The following TAF2 variants were observed in gnomAD, a reference collection of about 807,000 sequenced individuals.
TAF2 encodes transcription initiation factor TFIID subunit 2.
TAF2 carries 61 observed loss-of-function variants against 138.5 expected under a neutral mutation model. The ratio of observed to expected loss-of-function variants is 0.44; its 90% confidence interval spans 0.36 to 0.54. TAF2 has a LOEUF of 0.54. Among genes scored for constraint, TAF2 ranks in the 20% least tolerant of loss-of-function variants. The pLI, the probability that TAF2 is intolerant of heterozygous loss-of-function variation, is 0.00. For synonymous variants in TAF2, 475 were observed against 469.9 expected (o/e 1.01, Z -0.14); for missense variants, 1,090 against 1,427.9 (o/e 0.76, Z 3.81).
chr8:119,804,073 T>A (rs1428339994), intron 4 of TAF2, 54 bp from the exon 5 acceptor site: 1 of 1,589,826 alleles, frequency 6.3e-7, no homozygotes, highest in East Asian at 2.2e-5. Context: ...GTGGTCTATA[T>A]AATAAAGACA....
intron 4 of TAF2, among the ~76,000 whole-genome samples, chr8:119,804,683 CCT>C (rs1240887448): frequency 1.3e-5 from 2 of 152,146 alleles, no homozygotes; most frequent in African/African-American, 2.4e-5. Context: ...GTTCATTAAA[CCT>C]CTTTTTCTTC....
intron 2 of TAF2, among the ~76,000 whole-genome samples, chr8:119,826,903 T>C (rs1259598940): frequency 1.3e-5 from 2 of 152,058 alleles, no homozygotes; most frequent in African/African-American, 2.4e-5. Context: ...TCTTAAGATA[T>C]GTTTTTCAGC....
At chr8:119,748,067 T>C (rs1586309546) in intron 22 of TAF2, among the ~76,000 whole-genome samples, 1 of 151,636 alleles carries the variant, frequency 6.6e-6, no homozygotes, top group African/African-American at 2.4e-5. Context: ...GAGGCTGCAG[T>C]GAGCCAAGAT....
intron 9 of TAF2, 139 bp downstream of exon 9, chr8:119,795,393 T>G: frequency 2.6e-6 from 2 of 782,080 alleles, no homozygotes; most frequent in Non-Finnish European, 4.4e-6. Flanking sequence ...AATAGACCAT[T>G]AGTCTTTCTC....
At chr8:119,793,502 T>A (rs2131177972) in intron 9 of TAF2, 51 bp from the exon 10 acceptor site, 1 of 1,315,808 alleles carries the variant, frequency 7.6e-7, no homozygotes, top group African/African-American at 1.5e-5. Context: ...AGTAACATTT[T>A]TTTACATACC....
chr8:119,751,563 G>C (rs1005681565), intron 22 of TAF2, among the ~76,000 whole-genome samples: 6 of 152,106 alleles, frequency 3.9e-5, no homozygotes, highest in African/African-American at 1.4e-4. Context: ...TCCCCAAATA[G>C]TTTGTTCTCT....
intron 16 of TAF2, among the ~76,000 whole-genome samples, chr8:119,782,341 A>C (rs891943840): frequency 2.0e-4 from 30 of 152,200 alleles, no homozygotes; most frequent in Non-Finnish European, 4.0e-4. Context: ...ATGATTAAAC[A>C]ACATATTCTA....
At chr8:119,815,310 T>C (rs1367330907) in intron 3 of TAF2, among the ~76,000 whole-genome samples, 7 of 150,972 alleles carry the variant, frequency 4.6e-5, no homozygotes, top group African/African-American at 1.7e-4. Context: ...AGTCTCACTC[T>C]GTCGCCCAGG....
rs779338253 is a variant in TAF2, at chr8:119,788,947, G to A, written c.1569-43C>T. 7 of 1,258,420 alleles carry A rather than the reference G, an allele frequency of 5.6e-6. No homozygotes were observed. The South Asian group carries it at 8.3e-5, about 15-fold the overall frequency. The allele number at this position is 1,258,420 out of a possible 1,614,324, so 78.0% of individuals were successfully genotyped here. On this transcript the variant is annotated intron_variant, in intron 12 of 25. Transcript: ENST00000378164. ...AAAGTTTACATACTGAAACGAATAT[G>A]TACTAAACAAAGTAAGTTATCCATC...
chr8:119,802,079 T>C, intron 5 of TAF2, 54 bp from the exon 6 acceptor site: 2 of 1,402,972 alleles, frequency 1.4e-6, no homozygotes, highest in South Asian at 2.4e-5. Flanking sequence ...CTCTACATTG[T>C]TTTCCCCACA....
chr8:119,821,834 C>T (rs1427554631), intron 2 of TAF2, among the ~76,000 whole-genome samples: 2 of 152,086 alleles, frequency 1.3e-5, no homozygotes, highest in Non-Finnish European at 2.9e-5. Context: ...TCCCGGAGTT[C>T]AGAACCAGCC....
In TAF2 at chr8:119,754,673, A is replaced by G. The variant is rs1820579081; in HGVS notation, c.2878+1333T>C. Among the ~76,000 whole-genome samples the G allele has an allele frequency of 4.0e-5, 6 of 150,924 alleles. No individual in the cohort carries two copies. The South Asian group carries it at 1.3e-3, about 32-fold the overall frequency. On this transcript the variant is annotated intron_variant, in intron 22 of 25. Coordinates refer to ENST00000378164, the MANE Select transcript of TAF2 (RefSeq NM_003184.4). The stretch of plus-strand genomic sequence containing the variant: ...ACTCCAGCCTGGGTGACAGAGCAAG[A>G]CTGTCTCAAAAAAAAAAAAAAATGG...
intron 15 of TAF2, 21 bp downstream of exon 15, chr8:119,785,180 T>C (rs1257012373): frequency 5.1e-6 from 8 of 1,583,600 alleles, no homozygotes; most frequent in African/African-American, 1.3e-5. Flanking sequence ...TATAACCTTA[T>C]ATTTAAGTTA....
At chr8:119,747,540 T>G (rs1008369240) in intron 22 of TAF2, among the ~76,000 whole-genome samples, 52 of 152,262 alleles carry the variant, frequency 3.4e-4, no homozygotes, top group African/African-American at 1.2e-3. Context: ...GTTCTTTCCA[T>G]TTCTCTGAGT....
chr8:119,802,254 T>C (rs994935757), intron 5 of TAF2, among the ~76,000 whole-genome samples: 5 of 152,236 alleles, frequency 3.3e-5, no homozygotes, highest in African/African-American at 1.2e-4. Context: ...TACCATCAGT[T>C]CAAACCCTAA....
Position 119,795,193 on chromosome 8 carries a change from C to A in TAF2, c.1191+339G>T, listed in dbSNP as rs557620007. ...TATGGGCAGACACTACAATTGCCCT[C>A]CTTAAACAGAGACTTGGAAAGATTA... On this transcript the variant is annotated intron_variant, in intron 9 of 25. Transcript: ENST00000378164. Among the ~76,000 whole-genome samples, 167 of 152,252 alleles carry A rather than the reference C, an allele frequency of 1.1e-3. 3 individuals carry two copies. The Middle Eastern group carries it at 0.014, about 12-fold the overall frequency.
chr8:119,814,794 A>G (rs1825337709), intron 3 of TAF2, among the ~76,000 whole-genome samples: 4 of 150,344 alleles, frequency 2.7e-5, no homozygotes, highest in Admixed American at 2.0e-4. Context: ...CTGTAGTCCC[A>G]GCTACTAGGG....
intron 23 of TAF2, among the ~76,000 whole-genome samples, chr8:119,746,373 C>CAA (rs11392436): frequency 0.021 from 1,114 of 54,020 alleles, 63 homozygotes; most frequent in African/African-American, 0.038. Context: ...AACTCTGTCT[C>CAA]AAAAAAAAAA....
intron 22 of TAF2, among the ~76,000 whole-genome samples, chr8:119,753,690 A>G (rs1820507762): frequency 6.6e-6 from 1 of 152,206 alleles, no homozygotes; most frequent in East Asian, 1.9e-4. Flanking sequence ...AAACCTTCCA[A>G]TGAGCTTCAA....
Sources: allele counts gnomAD v4.1 joint callset (sites outside exome capture counted in the v4.1 genomes callset), GRCh38; gene constraint gnomAD v4.1.1; transcripts MANE v1.5; gene names NCBI Gene and HGNC (gene_info 2026-07-23, HGNC 2026-07-21).